Variants in TF observed in about 807,000 individuals in gnomAD.
The protein encoded by TF is transferrin.
In TF, 55 loss-of-function variants were observed where a neutral mutation model predicts 82.4. That is an observed-to-expected ratio of 0.67 (90% CI 0.54 to 0.84). TF has a LOEUF of 0.84. Ranked by LOEUF, TF falls within the 40% of genes least tolerant of loss-of-function variation. The probability of loss-of-function intolerance (pLI) is 0.00; values close to 1 mark genes in which losing one functional copy is unlikely to be tolerated. For missense variants in TF, 737 were observed against 868.4 expected (o/e 0.85, Z 1.90); for synonymous variants, 332 against 332.6 (o/e 1.00, Z 0.02).
chr3:133,715,847 T>G, the TF span, among the ~76,000 whole-genome samples: 24 of 152,230 alleles, frequency 1.6e-4, no homozygotes, highest in Non-Finnish European at 3.5e-4. Context: ...GAGATGAAAC[T>G]ATACCAGTGA....
rs1431502482 is a variant in TF, at chr3:133,787,845, T to C, written c.*9225T>C. The stretch of plus-strand genomic sequence containing the variant: ...CTCTAGATACTAAAGAGGTTGCCAA[T>C]GTATGACAAAAATAGTAAAGTAACA... On this transcript the variant is annotated 3_prime_UTR_variant, in exon 17 of 17. Coordinates refer to ENST00000402696, the MANE Select transcript of TF (RefSeq NM_001063.4). 2.0e-5 allele frequency: 3 copies of C among 152,370 alleles called. No individual in the cohort carries two copies. The highest frequency in any genetic ancestry group is 1.9e-4 in the East Asian group (1 of 5,194). 9.4% of individuals were successfully genotyped at this position (152,370 alleles called of 1,614,324 possible).
At chr3:133,688,735 T>C in the TF span, among the ~76,000 whole-genome samples, 8 of 152,296 alleles carry the variant, frequency 5.3e-5, no homozygotes, top group South Asian at 8.3e-4. Context: ...GAAGTTATGG[T>C]AGTGCAATAA....
intron 3 of TF, 163 bp downstream of exon 3, chr3:133,753,866 A>G: frequency 1.4e-6 from 1 of 713,222 alleles, no homozygotes; most frequent in Non-Finnish European, 2.5e-6. Context: ...CCACACATCA[A>G]GGCCTCTGGG....
At chr3:133,689,028 T>G in the TF span, among the ~76,000 whole-genome samples, 1 of 152,252 alleles carries the variant, frequency 6.6e-6, no homozygotes, top group South Asian at 2.1e-4. Context: ...TGCAAGGCTT[T>G]TACTAGTATA....
At chr3:133,665,826 T>C in the TF span, among the ~76,000 whole-genome samples, 2 of 150,572 alleles carry the variant, frequency 1.3e-5, no homozygotes, top group East Asian at 3.9e-4. Flanking sequence ...GCGCCTGTAC[T>C]CGGGAGGATG....
intron 2 of TF, among the ~76,000 whole-genome samples, chr3:133,751,780 T>C (rs1365917926): frequency 1.3e-5 from 2 of 151,808 alleles, no homozygotes; most frequent in African/African-American, 2.4e-5. Context: ...TCACCTGAGG[T>C]CAGGAGTTTG....
chr3:133,778,425 A>T, intron 16 of TF, 161 bp from the exon 17 acceptor site: 1 of 670,428 alleles, frequency 1.5e-6, no homozygotes, highest in Non-Finnish European at 2.6e-6. Context: ...GGAGCTGTGC[A>T]GGCAAGTAGA....
chr3:133,713,237 T>C, the TF span, among the ~76,000 whole-genome samples: 1 of 152,180 alleles, frequency 6.6e-6, no homozygotes, highest in Non-Finnish European at 1.5e-5. Flanking sequence ...TCAAGAAATA[T>C]TTATTGAGCA....
At chr3:133,735,356 G>T in the TF span, among the ~76,000 whole-genome samples, 2 of 139,186 alleles carry the variant, frequency 1.4e-5, no homozygotes, top group African/African-American at 2.6e-5. Flanking sequence ...AAAAAAAAAA[G>T]AAATAATTGT....
chr3:133,727,345 T>A, the TF span, among the ~76,000 whole-genome samples: 1 of 150,758 alleles, frequency 6.6e-6, no homozygotes. Context: ...GCTCCTGTAT[T>A]GGGTGCATAT....
chr3:133,674,802 TCCACGCCGG>T, the TF span, among the ~76,000 whole-genome samples: 1 of 152,160 alleles, frequency 6.6e-6, no homozygotes, highest in African/African-American at 2.4e-5. Flanking sequence ...AAGTGCTTTC[TCCACGCCGG>T]CGCACCTGAC....
chr3:133,724,030 C>T, the TF span, among the ~76,000 whole-genome samples: 12 of 152,198 alleles, frequency 7.9e-5, no homozygotes, highest in Admixed American at 5.2e-4. Context: ...GTATATGTGC[C>T]ACATTTTCTT....
chr3:133,735,256 C>A, the TF span, among the ~76,000 whole-genome samples: 2 of 151,078 alleles, frequency 1.3e-5, no homozygotes, highest in Non-Finnish European at 2.9e-5. Flanking sequence ...CAGAGAATTG[C>A]TTGAACCTGG....
At chr3:133,766,135 C>G in intron 11 of TF, 143 bp from the exon 12 acceptor site, 1 of 830,388 alleles carries the variant, frequency 1.2e-6, no homozygotes, top group South Asian at 1.4e-5. Flanking sequence ...TGTACTTCCC[C>G]TCAGTCAGAT....
At chr3:133,732,527 C>T in the TF span, among the ~76,000 whole-genome samples, 2 of 152,200 alleles carry the variant, frequency 1.3e-5, no homozygotes, top group East Asian at 3.8e-4. Flanking sequence ...ACTCCGGTTC[C>T]TTTTCACAGT....
the TF span, among the ~76,000 whole-genome samples, chr3:133,732,422 C>A: frequency 4.3e-4 from 66 of 152,266 alleles, 4 homozygotes; most frequent in South Asian, 0.014. Flanking sequence ...TAAAATGGAC[C>A]AATCAGCTCT....
chr3:133,760,111 C>T (rs906731274), intron 9 of TF, among the ~76,000 whole-genome samples: 1 of 152,002 alleles, frequency 6.6e-6, no homozygotes, highest in African/African-American at 2.4e-5. Context: ...ACATGAAGTG[C>T]CAAGCTCCAC....
At chr3:133,754,127 C>T (rs1410524488) in intron 3 of TF, 11 of 416,652 alleles carry the variant, frequency 2.6e-5, no homozygotes, top group South Asian at 1.5e-4. Context: ...TGTCTCTGGG[C>T]CTGTGCCAGG....
At chr3:133,746,156 C>T (rs1933491457), upstream of TF, 1 of 541,062 alleles carries the variant, frequency 1.8e-6, no homozygotes, top group Admixed American at 3.1e-5. Context: ...GCCGCGATGA[C>T]AATGGCTGCA....
Sources: gnomAD v4.1 joint callset for allele counts (sites outside exome capture counted in the v4.1 genomes callset) on GRCh38, gnomAD v4.1.1 for gene constraint, MANE v1.5 for transcripts, NCBI Gene and HGNC (gene_info 2026-07-23, HGNC 2026-07-21) for gene names.